Variants in UQCRC2 observed in about 807,000 individuals in gnomAD.
The protein encoded by UQCRC2 is cytochrome b-c1 complex subunit 2, mitochondrial.
In UQCRC2, 49 loss-of-function variants were observed where a neutral mutation model predicts 55.6. That is an observed-to-expected ratio of 0.88 (90% CI 0.70 to 1.12). The LOEUF (loss-of-function observed/expected upper bound fraction) is 1.12, where lower values mean the gene tolerates loss of function less well. Ranked by LOEUF, UQCRC2 falls within the 50% of genes most tolerant of loss-of-function variation. UQCRC2 has a pLI of 0.00. For synonymous variants in UQCRC2, 193 were observed against 192.0 expected (o/e 1.01, Z -0.04); for missense variants, 506 against 547.8 (o/e 0.92, Z 0.76).
chr16:21,958,363 A>G (rs76223840), intron 3 of UQCRC2, among the ~76,000 whole-genome samples, 172 bp from the exon 4 acceptor site: 1 of 152,354 alleles, frequency 6.6e-6, no homozygotes, highest in East Asian at 1.9e-4. Flanking sequence ...TAATGTAAAA[A>G]TGTATACTTA....
At chr16:21,957,140 C>T (rs1898098666) in intron 1 of UQCRC2, 95 bp from the exon 2 acceptor site, 1 of 1,187,110 alleles carries the variant, frequency 8.4e-7, no homozygotes, top group South Asian at 1.4e-5. Context: ...CACCCCCGAA[C>T]ACCCTCTGTC....
intron 7 of UQCRC2, 120 bp from the exon 8 acceptor site, chr16:21,968,508 C>T (rs1898381301): frequency 2.6e-6 from 2 of 777,454 alleles, no homozygotes; most frequent in Non-Finnish European, 3.9e-6. Flanking sequence ...CCTTGTAGTT[C>T]ATTACAGCAA....
Position 21,983,313 on chromosome 16 carries a change from C to G in UQCRC2, c.*142C>G. On this transcript the variant is annotated 3_prime_UTR_variant, in exon 14 of 14. Coordinates refer to ENST00000268379, the MANE Select transcript of UQCRC2 (RefSeq NM_003366.4). ...AGGCATAAATGCAGGTAATTATTCC[C>G]AGCTGACCTAAAGTCAATAAAACAT... is the stretch of plus-strand genomic sequence containing the variant. 3 of 673,624 alleles carry G rather than the reference C, an allele frequency of 4.5e-6. No homozygotes were observed. Among genetic ancestry groups the G allele is most frequent in the Non-Finnish European group, 7.4e-6 (3 of 407,172 alleles). 41.7% of individuals were successfully genotyped at this position (673,624 alleles called of 1,614,324 possible).
intron 4 of UQCRC2, chr16:21,961,336 G>C (rs769955661): frequency 9.8e-5 from 44 of 446,904 alleles, no homozygotes; most frequent in Middle Eastern, 6.5e-4. Flanking sequence ...AGGGAAATGG[G>C]TAAAGTATGA....
intron 11 of UQCRC2, among the ~76,000 whole-genome samples, chr16:21,974,840 A>G (rs530435938): frequency 2.7e-4 from 41 of 152,372 alleles, no homozygotes; most frequent in African/African-American, 9.9e-4. Flanking sequence ...CCTTACAGAC[A>G]GGCTAATATT....
At chr16:21,978,792 T>C (rs1282587090) in intron 12 of UQCRC2, among the ~76,000 whole-genome samples, 2 of 152,194 alleles carry the variant, frequency 1.3e-5, no homozygotes, top group Admixed American at 6.5e-5. Flanking sequence ...CAAAAATATG[T>C]TGAGTTTCGG....
intron 1 of UQCRC2, among the ~76,000 whole-genome samples, chr16:21,954,372 C>T (rs1027681379): frequency 1.5e-4 from 23 of 152,128 alleles, no homozygotes; most frequent in Non-Finnish European, 7.4e-5. Flanking sequence ...CAGACCTGGG[C>T]ATGGAATGTT....
chr16:21,971,873 A>G lies in UQCRC2; in HGVS notation c.767-50A>G, dbSNP rs10521119. On this transcript the variant is annotated intron_variant, in intron 9 of 13. Transcript: ENST00000268379. The stretch of plus-strand genomic sequence containing the variant: ...TAGGAAATACTGGAGAATGAAACCA[A>G]TGGTGAACAAGCCATTTTCTTCTTC... 26,814 of 1,607,872 alleles carry G rather than the reference A, an allele frequency of 0.017. 286 individuals carry two copies. The highest frequency in any genetic ancestry group is 0.019 in the Non-Finnish European group (22,273 of 1,178,694).
At chr16:21,975,508 A>G (rs1898560480) in intron 11 of UQCRC2, among the ~76,000 whole-genome samples, 1 of 152,198 alleles carries the variant, frequency 6.6e-6, no homozygotes, top group Non-Finnish European at 1.5e-5. Flanking sequence ...CCCAGCCAGC[A>G]CTGGGATGGA....
chr16:21,968,099 T>TC (rs1483711082), intron 7 of UQCRC2, among the ~76,000 whole-genome samples: 1 of 151,634 alleles, frequency 6.6e-6, no homozygotes, highest in Non-Finnish European at 1.5e-5. Context: ...CCTCCTGGAT[T>TC]CAAACAATTC....
rs1310847964 is a variant in UQCRC2 at position 21,957,327 on chromosome 16, C to T, written c.117+9C>T. ...AACCTCAGGACCTTGAGGTTAGTCC[C>T]ACTAACTTGCTCGCTGGAAGCTATA... On this transcript the variant is annotated intron_variant, in intron 2 of 13. Transcript: ENST00000268379. 1 of 1,613,892 alleles carries T rather than the reference C, an allele frequency of 6.2e-7. No homozygotes were observed. Among genetic ancestry groups the T allele is most frequent in the Non-Finnish European group, 8.5e-7 (1 of 1,180,004 alleles).
intron 4 of UQCRC2, among the ~76,000 whole-genome samples, chr16:21,959,106 C>G (rs111302989): frequency 0.03 from 4,634 of 152,238 alleles, 94 homozygotes; most frequent in South Asian, 0.065. Context: ...GATGACTGAT[C>G]AAGGTGGTGG....
rs747382967 is a variant in UQCRC2, at chr16:21,962,851, T to C, written c.480T>C (p.Ile160=). 1.2e-6 allele frequency: 2 copies of C among 1,614,078 alleles called. No homozygotes were observed. Among genetic ancestry groups the C allele is most frequent in the Admixed American group, 1.7e-5 (1 of 60,026 alleles). The change falls in exon 6 of 14, where the codon ATT becomes ATC. Residue 160 remains isoleucine (I), a synonymous_variant. Transcript: ENST00000268379. ...CTGACCTTCAGCCTCAGCTAAAGAT[T>C]GACAAAGCTGTGGCCTTTCAGAATC... ...EVADLQPQLK[I]DKAVAFQNPQ...
chr16:21,958,079 A>T (rs543883400), intron 3 of UQCRC2, among the ~76,000 whole-genome samples: 1 of 152,292 alleles, frequency 6.6e-6, no homozygotes, highest in African/African-American at 2.4e-5. Flanking sequence ...TTCTGGCTGG[A>T]CATAAATTTG....
chr16:21,961,768 C>T (rs1054238499), intron 4 of UQCRC2, among the ~76,000 whole-genome samples: 2 of 150,510 alleles, frequency 1.3e-5, no homozygotes, highest in Non-Finnish European at 3.0e-5. Context: ...TCTCCTGCCT[C>T]AGCCTCCGTG....
chr16:21,963,795 C>A (rs1193117059), intron 6 of UQCRC2, among the ~76,000 whole-genome samples: 1 of 152,010 alleles, frequency 6.6e-6, no homozygotes, highest in African/African-American at 2.4e-5. Flanking sequence ...AGTTGTTTTG[C>A]TTACCCCAAA....
rs116354729 is a variant in UQCRC2, at chr16:21,976,004, A to G, written c.1048-163A>G. 2.1e-3 allele frequency among the ~76,000 whole-genome samples: 322 copies of G among 152,294 alleles called. 1 individual carries two copies. Among genetic ancestry groups the G allele is most frequent in the African/African-American group, 7.5e-3 (312 of 41,568 alleles). ...AAACAGCTGCTTTATGAACATAGGAAGAATAAGGAACCCATAGTGATGACA... is the reference window on the plus strand; with the variant it reads ...AAACAGCTGCTTTATGAACATAGGAGGAATAAGGAACCCATAGTGATGACA... On this transcript the variant is annotated intron_variant, in intron 11 of 13. Transcript: ENST00000268379.
intron 4 of UQCRC2, chr16:21,959,243 C>T: frequency 6.3e-6 from 1 of 159,876 alleles, no homozygotes; most frequent in Non-Finnish European, 1.4e-5. Flanking sequence ...AGCCGTTTAC[C>T]CACAGAACTT....
In UQCRC2 at chr16:21,983,170, A is replaced by AAT; in HGVS notation, c.*1_*2dup. 1 of 1,613,796 alleles carries AAT rather than the reference A, an allele frequency of 6.2e-7. No individual in the cohort carries two copies. Among genetic ancestry groups the AAT allele is most frequent in the Non-Finnish European group, 8.5e-7 (1 of 1,179,728 alleles). ...LGHTPFVDEL[*] ...CATACACCTTTTGTTGATGAGTTGT[A>AAT]ATACTGATGCACACATTACAGGAGA... Residue 454 remains the stop codon, a frameshift_variant and stop_retained_variant, in exon 14 of 14, where the codon TAA becomes TAATA. Transcript: ENST00000268379. LOFTEE classifies it high-confidence loss of function.
Sources: allele counts gnomAD v4.1 joint callset (sites outside exome capture counted in the v4.1 genomes callset), GRCh38; gene constraint gnomAD v4.1.1; transcripts MANE v1.5; gene names NCBI Gene and HGNC (gene_info 2026-07-23, HGNC 2026-07-21).